FDFT1: variants seen among roughly 807,000 people sequenced by gnomAD.
FDFT1 encodes the protein farnesyl-diphosphate farnesyltransferase 1.
FDFT1 carries 68 observed loss-of-function variants against 46.8 expected under a neutral mutation model. The ratio of observed to expected loss-of-function variants is 1.45; its 90% CI spans 1.19 to 1.78. FDFT1 has a LOEUF of 1.78. Among genes scored for constraint, FDFT1 ranks in the 40% most tolerant of loss-of-function variants. FDFT1 has a pLI of 0.00. For synonymous variants in FDFT1, 351 were observed against 185.1 expected (o/e 1.90, Z -7.28); for missense variants, 928 against 524.4 (o/e 1.77, Z -7.52).
At chr8:11,833,045 G>T (rs141227374) in intron 7 of FDFT1, among the ~76,000 whole-genome samples, 1 of 152,118 alleles carries the variant, frequency 6.6e-6, no homozygotes, top group Non-Finnish European at 1.5e-5. Context: ...ATCTGACACA[G>T]AAATGCTGTA....
At chr8:11,829,880 CTCTT>C (rs962125316) in intron 5 of FDFT1, among the ~76,000 whole-genome samples, 4 of 152,014 alleles carry the variant, frequency 2.6e-5, no homozygotes, top group Admixed American at 2.0e-4. Flanking sequence ...CGGAGTCTCA[CTCTT>C]TCACCCAGGC....
exon 1 of FDFT1, chr8:11,795,852 G>A (rs915100723): frequency 6.5e-6 from 1 of 152,832 alleles, no homozygotes; most frequent in Non-Finnish European, 1.5e-5. Context: ...CCAGAAGGAA[G>A]AAACTCCGAA....
Position 11,826,421 on chromosome 8 carries a change from T to A in FDFT1, c.702+206T>A, listed in dbSNP as rs914128931. ...GATTCACACCACGTAATCAGTATAT[T>A]CAAGCCTTGCTGTCCTTGATTTCTT... On this transcript the variant is annotated intron_variant, in intron 5 of 7. Transcript: ENST00000220584. Among the ~76,000 whole-genome samples the A allele has an allele frequency of 4.5e-4, 69 of 152,218 alleles. 1 individual carries two copies. The highest frequency in any genetic ancestry group is 7.3e-5 in the Non-Finnish European group (5 of 68,036).
At position 11,803,027 on chromosome 8, in the gene FDFT1, C is replaced by G. The variant is rs891787786; in HGVS notation, c.99+96C>G. 4.7e-6 allele frequency: 7 copies of G among 1,500,622 alleles called. No homozygotes were observed. The East Asian group carries it at 1.7e-4, about 37-fold the overall frequency. The allele number at this position is 1,500,622 out of a possible 1,614,324, so 93.0% of individuals were successfully genotyped here. ...CCGGGCCCGGATCTGGGGCAAGGGG[C>G]GCGGCGAGCAGGGCCGACGCCTGGG... is the stretch of plus-strand genomic sequence containing the variant. On this transcript the variant is annotated intron_variant, in intron 1 of 7. Coordinates refer to ENST00000220584, the MANE Select transcript of FDFT1 (RefSeq NM_004462.5).
rs2130663325 is a variant in FDFT1, at chr8:11,803,036, C to T, written c.99+105C>T. Reference sequence around the variant, plus strand: ...GATCTGGGGCAAGGGGCGCGGCGAGCAGGGCCGACGCCTGGGTGTTCCCGT... The same window carrying T: ...GATCTGGGGCAAGGGGCGCGGCGAGTAGGGCCGACGCCTGGGTGTTCCCGT... On this transcript the variant is annotated intron_variant, in intron 1 of 7. Coordinates refer to ENST00000220584, the MANE Select transcript of FDFT1 (RefSeq NM_004462.5). 6.0e-6 allele frequency: 9 copies of T among 1,488,430 alleles called. 1 individual carries two copies. Among genetic ancestry groups the T allele is most frequent in the South Asian group, 4.0e-5 (3 of 74,952 alleles). The allele number at this position is 1,488,430 out of a possible 1,614,324, so 92.2% of individuals were successfully genotyped here.
rs373177959 is a variant in FDFT1 at position 11,820,013 on chromosome 8, C to T, written c.382-1737C>T. Among the ~76,000 whole-genome samples, 279 of 152,190 alleles carry T rather than the reference C, an allele frequency of 1.8e-3. 4 individuals are homozygous for T. Among genetic ancestry groups the T allele is most frequent in the African/African-American group, 6.4e-3 (266 of 41,524 alleles). On this transcript the variant is annotated intron_variant, in intron 3 of 7. Transcript: ENST00000220584. ...TACCTTTGGTCTTTGATTTTGGTGACGTACAGATGGGTTTTGGTGTGGGTG... is the reference window on the plus strand; with the variant it reads ...TACCTTTGGTCTTTGATTTTGGTGATGTACAGATGGGTTTTGGTGTGGGTG...
rs185034655 is a variant in FDFT1, at chr8:11,821,712, A to G, written c.382-38A>G. 3.2e-5 allele frequency: 51 copies of G among 1,608,834 alleles called. No homozygotes were observed. In the East Asian group the frequency reaches 6.7e-4, roughly 21 times the overall value. Reference sequence around the variant, plus strand: ...GATCTTTGGTGCCATGTCTGTACATATTTCATGATTTCTGTGTTTTTACGG... The same window carrying G: ...GATCTTTGGTGCCATGTCTGTACATGTTTCATGATTTCTGTGTTTTTACGG... On this transcript the variant is annotated intron_variant, in intron 3 of 7. Transcript: ENST00000220584.
At chr8:11,822,241 G>A (rs1585946106) in intron 4 of FDFT1, among the ~76,000 whole-genome samples, 2 of 152,152 alleles carry the variant, frequency 1.3e-5, no homozygotes, top group South Asian at 4.1e-4. Context: ...TTCTGTGGAA[G>A]TAAAGACATT....
chr8:11,808,566 A>C (rs931240721), intron 1 of FDFT1: 1 of 1,365,622 alleles, frequency 7.3e-7, no homozygotes, highest in Non-Finnish European at 9.4e-7. Context: ...CTTCAAGCGC[A>C]CCTTGGTGCT....
In FDFT1 at chr8:11,837,506, C is replaced by T. The variant is rs141319917; in HGVS notation, c.1033-882C>T. 7.9e-3 allele frequency among the ~76,000 whole-genome samples: 1,209 copies of T among 152,246 alleles called. 12 individuals carry two copies. Among genetic ancestry groups the T allele is most frequent in the Non-Finnish European group, 0.013 (851 of 68,020 alleles). On this transcript the variant is annotated intron_variant, in intron 7 of 7. Coordinates refer to ENST00000220584, the MANE Select transcript of FDFT1 (RefSeq NM_004462.5). ...CTCAGCCTCCTGAAGTGCTGGGATT[C>T]CAAACATGAGCCACTGTGCCTGGCC...
At chr8:11,800,368 C>T (rs118059476), upstream of FDFT1, among the ~76,000 whole-genome samples, 2 of 150,282 alleles carry the variant, frequency 1.3e-5, no homozygotes, top group African/African-American at 2.4e-5. Flanking sequence ...GCAGTTTTGC[C>T]ATGGGAGTAT....
chr8:11,830,957 T>C (rs1182730270), intron 6 of FDFT1, among the ~76,000 whole-genome samples: 1 of 152,232 alleles, frequency 6.6e-6, no homozygotes, highest in Non-Finnish European at 1.5e-5. Flanking sequence ...GAACTTGGTT[T>C]GATCTTGTTC....
intron 1 of FDFT1, among the ~76,000 whole-genome samples, chr8:11,796,424 C>G (rs1805575847): frequency 1.3e-5 from 2 of 152,176 alleles, no homozygotes; most frequent in Admixed American, 6.5e-5. Context: ...GGAGGAACCA[C>G]TGAACATGGT....
At chr8:11,797,252 C>T (rs1289060245), upstream of FDFT1, among the ~76,000 whole-genome samples, 1 of 152,126 alleles carries the variant, frequency 6.6e-6, no homozygotes, top group Non-Finnish European at 1.5e-5. Context: ...TTTTGAGTTC[C>T]TTGGACTGCC....
chr8:11,795,690 A>T (rs1315341076), exon 1 of FDFT1: 1 of 152,140 alleles, frequency 6.6e-6, no homozygotes, highest in Non-Finnish European at 1.5e-5. Context: ...TGTAACACTC[A>T]CAGGGTAGGT....
At chr8:11,808,484 A>T in intron 1 of FDFT1, 1 of 1,323,934 alleles carries the variant, frequency 7.6e-7, no homozygotes, top group South Asian at 2.2e-5. Context: ...GCTTGAGTCT[A>T]TGGAGGAAAA....
In FDFT1 at chr8:11,812,911, A is replaced by G. The variant is rs559505388; in HGVS notation, c.381+3061A>G. ...GTCATGCATCACTTAATGAATGGCC[A>G]CAGGATACATTCTGAGAAACGCATT... is the stretch of plus-strand genomic sequence containing the variant. On this transcript the variant is annotated intron_variant, in intron 3 of 7. Coordinates refer to ENST00000220584, the MANE Select transcript of FDFT1 (RefSeq NM_004462.5). 1.9e-4 allele frequency among the ~76,000 whole-genome samples: 29 copies of G among 152,360 alleles called. 1 individual carries two copies. In the East Asian group the frequency reaches 2.1e-3, roughly 11 times the overall value.
intron 3 of FDFT1, among the ~76,000 whole-genome samples, chr8:11,821,088 A>G (rs1399609123): frequency 1.3e-5 from 2 of 152,184 alleles, no homozygotes; most frequent in Non-Finnish European, 2.9e-5. Flanking sequence ...GAAGTGCTTG[A>G]TCCATGTTTG....
At chr8:11,801,921 C>T (rs1018125998), upstream of FDFT1, 2 of 451,598 alleles carry the variant, frequency 4.4e-6, no homozygotes, top group Middle Eastern at 5.1e-4. Flanking sequence ...GATCTCTTGA[C>T]CTCGTGATCC....
Sources: gnomAD v4.1 joint callset for allele counts (sites outside exome capture counted in the v4.1 genomes callset) on GRCh38, gnomAD v4.1.1 for gene constraint, MANE v1.5 for transcripts, NCBI Gene and HGNC (gene_info 2026-07-23, HGNC 2026-07-21) for gene names.